GAPVD1: variants seen among roughly 807,000 people sequenced by gnomAD.
GAPVD1 encodes the protein GTPase-activating protein and VPS9 domain-containing protein 1.
In GAPVD1, 35 loss-of-function variants were observed where a neutral mutation model predicts 155.5. The ratio of observed to expected loss-of-function variants is 0.23; its 90% confidence interval spans 0.17 to 0.30. The LOEUF is 0.30. GAPVD1 is among the 10% of genes least tolerant of loss of function. GAPVD1 has a pLI of 1.00. For missense variants in GAPVD1, 1,429 were observed against 1,775.7 expected, an observed-to-expected ratio of 0.80 and a Z score of 3.51; for synonymous variants, 636 against 619.7, an observed-to-expected ratio of 1.03 and a Z score of -0.39.
chr9:125,367,142 T>C lies in GAPVD1; in HGVS notation c.*4396T>C, dbSNP rs1034196521. On this transcript the variant is annotated 3_prime_UTR_variant, in exon 28 of 28. Coordinates refer to ENST00000297933, the MANE Select transcript of GAPVD1 (RefSeq NM_001282680.3). ...ACAGGAAACCCCTCCTGTCTCCTAA[T>C]GTGATTAGTACTGTAAAATATTCTA... 1.3e-5 allele frequency: 2 copies of C among 152,238 alleles called. No homozygotes were observed. Among genetic ancestry groups the C allele is most frequent in the Non-Finnish European group, 2.9e-5 (2 of 68,038 alleles). 9.4% of individuals were successfully genotyped at this position (152,238 alleles called of 1,614,324 possible). A position where few individuals can be genotyped will look rare whatever the true frequency, so the allele number is the denominator to read the frequency against.
In GAPVD1 at chr9:125,355,648, T is replaced by C. The variant is rs990605173; in HGVS notation, c.3762T>C (p.Phe1254=). Residue 1254 remains phenylalanine, a synonymous_variant, in exon 25 of 28, where the codon TTT becomes TTC. Coordinates refer to ENST00000297933, the MANE Select transcript of GAPVD1 (RefSeq NM_001282680.3). ...EKKIREFIQD[F]QKLTAADDKT... ...AATTATTATTTTGCTTTGGAGACTTTCAGAAACTCACCGCAGCTGACGATA... is the reference window on the plus strand; with the variant it reads ...AATTATTATTTTGCTTTGGAGACTTCCAGAAACTCACCGCAGCTGACGATA... The C allele has an allele frequency of 2.5e-6, 4 of 1,600,798 alleles. No individual in the cohort carries two copies. In the African/African-American group the frequency reaches 4.0e-5, roughly 16 times the overall value.
chr9:125,293,370 T>A (rs952480106), intron 2 of GAPVD1, among the ~76,000 whole-genome samples: 1 of 151,784 alleles, frequency 6.6e-6, no homozygotes, highest in Non-Finnish European at 1.5e-5. Context: ...AGGACAGAGA[T>A]TGTGTCTGTT....
chr9:125,325,250 G>T (rs1302345211), intron 11 of GAPVD1, among the ~76,000 whole-genome samples: 1 of 149,976 alleles, frequency 6.7e-6, no homozygotes, highest in African/African-American at 2.5e-5. Context: ...GGCCGGGTGC[G>T]GTGGCTCATA....
chr9:125,272,202 T>G (rs1222842377), intron 2 of GAPVD1, among the ~76,000 whole-genome samples: 3 of 152,096 alleles, frequency 2.0e-5, no homozygotes, highest in Non-Finnish European at 2.9e-5. Flanking sequence ...TTCTGTATTT[T>G]TAATAGAGAA....
chr9:125,291,243 T>C (rs919417952), intron 2 of GAPVD1, among the ~76,000 whole-genome samples: 6 of 152,006 alleles, frequency 3.9e-5, no homozygotes, highest in Non-Finnish European at 8.8e-5. Context: ...GCTGTGATCA[T>C]GCCACTGCAC....
At chr9:125,280,812 T>TGATC (rs1836672233) in intron 2 of GAPVD1, among the ~76,000 whole-genome samples, 1 of 151,996 alleles carries the variant, frequency 6.6e-6, no homozygotes. Flanking sequence ...CCTGACCTTG[T>TGATC]GATCCGCCTG....
At chr9:125,328,187 TC>T (rs377289669) in intron 12 of GAPVD1, among the ~76,000 whole-genome samples, 36 of 147,578 alleles carry the variant, frequency 2.4e-4, no homozygotes, top group African/African-American at 7.0e-4. Flanking sequence ...CAAATAGATT[TC>T]TTTTTTTTTT....
At chr9:125,321,369 G>A in intron 9 of GAPVD1, 64 bp from the exon 10 acceptor site, 1 of 1,172,916 alleles carries the variant, frequency 8.5e-7, no homozygotes. Context: ...TGCATTTGCT[G>A]TGGTTTGTTT....
At chr9:125,296,358 G>GTTTTTTTTTTTGTT (rs747921764) in intron 3 of GAPVD1, among the ~76,000 whole-genome samples, 3,893 of 121,654 alleles carry the variant, frequency 0.032, 481 homozygotes, top group African/African-American at 0.12. Flanking sequence ...TAGTTCTTAG[G>GTTTTTTTTTTTGTT]TTTTTTTTTT....
intron 11 of GAPVD1, among the ~76,000 whole-genome samples, chr9:125,325,519 CAAA>C (rs34510251): frequency 3.2e-5 from 3 of 93,236 alleles, no homozygotes; most frequent in Admixed American, 1.3e-4. Context: ...GACTCCATCT[CAAA>C]AAAAAAAAAA....
chr9:125,307,792 AAGT>A lies in GAPVD1; in HGVS notation c.1356_1358del (p.Ser454del). 2 of 1,613,822 alleles carry A rather than the reference AAGT, an allele frequency of 1.2e-6. No homozygotes were observed. Among genetic ancestry groups the A allele is most frequent in the Non-Finnish European group, 1.7e-6 (2 of 1,179,712 alleles). ...ACCTACCCCCGGCCAAGCCAGGAAA[AAGT>A]AGCAGTTTAGAAATGACTCCCTACA... On this transcript the variant is annotated inframe_deletion, in exon 8 of 28. Transcript: ENST00000297933.
At chr9:125,264,970 T>G (rs1481306930) in intron 1 of GAPVD1, among the ~76,000 whole-genome samples, 1 of 152,068 alleles carries the variant, frequency 6.6e-6, no homozygotes, top group South Asian at 2.1e-4. Flanking sequence ...CTGCCCGCCT[T>G]GGCCCCCCAG....
chr9:125,347,084 T>C (rs946742064), intron 20 of GAPVD1, 143 bp downstream of exon 20: 6 of 752,264 alleles, frequency 8.0e-6, no homozygotes, highest in Admixed American at 2.6e-5. Flanking sequence ...TAAACAAATG[T>C]TTAAATTGAT....
At chr9:125,293,877 T>TATATATATATATA in intron 2 of GAPVD1, among the ~76,000 whole-genome samples, 1 of 18,178 alleles carries the variant, frequency 5.5e-5, no homozygotes, top group African/African-American at 2.8e-4. Context: ...TATATATATA[T>TATATATATATATA]ATATATATAT....
chr9:125,286,488 A>G (rs536236017), intron 2 of GAPVD1, among the ~76,000 whole-genome samples: 8 of 150,184 alleles, frequency 5.3e-5, no homozygotes, highest in Non-Finnish European at 8.9e-5. Context: ...TTTTTTTTTT[A>G]CTACAGAGAA....
Position 125,350,359 on chromosome 9 carries a change from A to G in GAPVD1, c.3364A>G (p.Thr1122Ala). The G allele has an allele frequency of 6.2e-7, 1 of 1,609,040 alleles. No homozygotes were observed. The highest frequency in any genetic ancestry group is 8.5e-7 in the Non-Finnish European group (1 of 1,178,668). ...SADSVAFPVLTHSTRNGLPDH... is the reference protein window; with the variant it reads ...SADSVAFPVLAHSTRNGLPDH... Reference sequence around the variant, plus strand: ...GGACTCTGTTGCCTTCCCAGTGCTGACCCATTCAACAAGGAATGGTTTACC... The same window carrying G: ...GGACTCTGTTGCCTTCCCAGTGCTGGCCCATTCAACAAGGAATGGTTTACC... The change falls in exon 22 of 28, where the codon ACC (threonine) becomes GCC (alanine). Residue 1122 changes from threonine to alanine, a missense_variant. Physicochemically the swap from Thr to Ala is moderately conservative, Grantham distance 58. Around this residue, in one of 4 missense-constraint regions of GAPVD1, gnomAD observed 699 missense variants for 826.0 expected, o/e 0.85. Transcript: ENST00000297933.
chr9:125,350,545 A>C lies in GAPVD1; in HGVS notation c.3409+141A>C, dbSNP rs1013233208. On this transcript the variant is annotated intron_variant, in intron 22 of 27. Coordinates refer to ENST00000297933, the MANE Select transcript of GAPVD1 (RefSeq NM_001282680.3). The stretch of plus-strand genomic sequence containing the variant: ...GTTTACATTAGTATCACTTAAGGGC[A>C]CTTTGATTACTGATGATTTATTAAA... 2.9e-5 allele frequency: 20 copies of C among 700,352 alleles called. No homozygotes were observed. In the Admixed American group the frequency reaches 5.1e-4, roughly 18 times the overall value. 43.4% of individuals were successfully genotyped at this position (700,352 alleles called of 1,614,324 possible).
At chr9:125,356,613 C>T (rs1343511118) in intron 25 of GAPVD1, among the ~76,000 whole-genome samples, 7 of 152,060 alleles carry the variant, frequency 4.6e-5, no homozygotes, top group Non-Finnish European at 8.8e-5. Flanking sequence ...ATCCTCCTAC[C>T]TTGGCCTCCT....
intron 25 of GAPVD1, among the ~76,000 whole-genome samples, chr9:125,356,450 C>T (rs1850098917): frequency 6.6e-6 from 1 of 152,148 alleles, no homozygotes; most frequent in Non-Finnish European, 1.5e-5. Flanking sequence ...CAGACATTCC[C>T]AAATGTCCCT....
Sources: allele counts gnomAD v4.1 joint callset (sites outside exome capture counted in the v4.1 genomes callset), GRCh38; gene constraint gnomAD v4.1.1; regional missense constraint gnomAD v4.1.1; transcripts MANE v1.5; gene names NCBI Gene and HGNC (gene_info 2026-07-23, HGNC 2026-07-21).